The following ZNF333 variants were observed in gnomAD, a reference collection of about 807,000 sequenced individuals.
The protein encoded by ZNF333 is zinc finger protein 333.
In ZNF333, 61 loss-of-function variants were observed where a neutral mutation model predicts 76.1. The observed-to-expected ratio is 0.80, with a 90% CI of 0.65 to 0.99. The LOEUF (loss-of-function observed/expected upper bound fraction) is 0.99, where lower values mean the gene tolerates loss of function less well. ZNF333 is among the 50% of genes least tolerant of loss of function. The probability of loss-of-function intolerance (pLI) is 0.00; values close to 1 mark genes in which losing one functional copy is unlikely to be tolerated. For missense variants in ZNF333, 717 were observed against 822.4 expected (o/e 0.87, Z 1.57); for synonymous variants, 284 against 305.0 (o/e 0.93, Z 0.72).
At chr19:14,726,469 C>T (rs1197735099), downstream of ZNF333, among the ~76,000 whole-genome samples, 6 of 152,326 alleles carry the variant, frequency 3.9e-5, no homozygotes, top group South Asian at 1.0e-3. Flanking sequence ...CTCTTTCCTT[C>T]TTTACCGCAT....
chr19:14,691,563 T>G (rs1029675560), intron 1 of ZNF333, among the ~76,000 whole-genome samples: 1 of 152,138 alleles, frequency 6.6e-6, no homozygotes, highest in African/African-American at 2.4e-5. Context: ...CTTGCCTTTT[T>G]AAAAAGAATT....
At chr19:14,695,693 C>G (rs776992367) in intron 4 of ZNF333, 32 bp downstream of exon 4, 2 of 1,597,574 alleles carry the variant, frequency 1.3e-6, no homozygotes, top group Non-Finnish European at 1.7e-6. Context: ...GATCCCCCGA[C>G]CCCCCTGGTT....
intron 2 of ZNF333, among the ~76,000 whole-genome samples, chr19:14,694,454 CAG>C (rs1973017019): frequency 6.9e-6 from 1 of 144,706 alleles, no homozygotes; most frequent in Non-Finnish European, 1.5e-5. Flanking sequence ...GCCTGGACGA[CAG>C]AGCAAGACTG....
chr19:14,695,758 G>C, intron 4 of ZNF333, 97 bp downstream of exon 4: 2 of 1,053,676 alleles, frequency 1.9e-6, no homozygotes, highest in Non-Finnish European at 2.9e-6. Context: ...TTTGTTCTGA[G>C]GGGACATCGA....
chr19:14,690,494 C>G (rs2146938531), intron 1 of ZNF333, among the ~76,000 whole-genome samples: 1 of 152,358 alleles, frequency 6.6e-6, no homozygotes, highest in South Asian at 2.1e-4. Flanking sequence ...ACGGCCCTAC[C>G]TTGCCTACAG....
intron 5 of ZNF333, chr19:14,701,533 A>G (rs925299602): frequency 2.1e-6 from 2 of 973,614 alleles, no homozygotes; most frequent in Non-Finnish European, 2.4e-6. Context: ...GGTGTTGCAG[A>G]AGGCATCTCC....
chr19:14,718,779 G>T lies in ZNF333; in HGVS notation c.1452G>T (p.Gly484=), dbSNP rs1473052175. The change falls in exon 12 of 12, where the codon GGG becomes GGT. Residue 484 remains glycine (G), a synonymous_variant. Transcript: ENST00000292530. ...AGCCCTTTGAATGCAGCCAGTGTGGGAAAGCCTTCAGGGAACACTCTTCAC... is the reference window on the plus strand; with the variant it reads ...AGCCCTTTGAATGCAGCCAGTGTGGTAAAGCCTTCAGGGAACACTCTTCAC... ...GEKPFECSQC[G]KAFREHSSLK... 2.5e-6 allele frequency: 4 copies of T among 1,613,936 alleles called. No homozygotes were observed. In the African/African-American group the frequency reaches 5.3e-5, roughly 22 times the overall value.
In ZNF333 at chr19:14,731,322, T is replaced by C. The variant is rs2042669502; in HGVS notation, c.*136T>C. 9 of 868,840 alleles carry C rather than the reference T, an allele frequency of 1.0e-5. No individual in the cohort carries two copies. In the South Asian group the frequency reaches 1.1e-4, roughly 11 times the overall value. 53.8% of individuals were successfully genotyped at this position (868,840 alleles called of 1,614,324 possible). ...TTCTGAAGCTTGCAGGTCAGTGGCC[T>C]TGGACTTTCAAACTTCCAGTTCCGT... On this transcript the variant is annotated 3_prime_UTR_variant, in exon 12 of 12. Coordinates refer to the ZNF333 transcript ENST00000540689.
At chr19:14,706,931 G>A in intron 7 of ZNF333, 158 bp downstream of exon 7, 1 of 578,482 alleles carries the variant, frequency 1.7e-6, no homozygotes, top group South Asian at 2.6e-5. Flanking sequence ...TTATTTGTGT[G>A]TTTAAGTGGG....
chr19:14,727,582 A>G (rs2042641938), intron 11 of ZNF333, among the ~76,000 whole-genome samples: 3 of 152,198 alleles, frequency 2.0e-5, no homozygotes, highest in Non-Finnish European at 2.9e-5. Flanking sequence ...TAAACCATTC[A>G]TGAGCGATTT....
rs2042525524 is a variant in ZNF333 at position 14,719,014 on chromosome 19, G to A, written c.1687G>A (p.Val563Met). Reference sequence around the variant, plus strand: ...AACTCACACTGGAGAGAAGCCCTATGTGTGCCAGGAATGTGGGCGAGCCTT... The same window carrying A: ...AACTCACACTGGAGAGAAGCCCTATATGTGCCAGGAATGTGGGCGAGCCTT... ...MRTHTGEKPY[V>M]CQECGRAFSE... is the part of the protein sequence containing the mutation. Residue 563 changes from valine (V) to methionine (M), a missense_variant, in exon 12 of 12, where the codon GTG becomes ATG. Transcript: ENST00000292530. 5.6e-6 allele frequency: 9 copies of A among 1,614,240 alleles called. No individual in the cohort carries two copies. The highest frequency in any genetic ancestry group is 7.6e-6 in the Non-Finnish European group (9 of 1,180,036).
intron 11 of ZNF333, among the ~76,000 whole-genome samples, 184 bp from the exon 12 acceptor site, chr19:14,718,044 C>G (rs2042486949): frequency 6.6e-6 from 1 of 152,150 alleles, no homozygotes; most frequent in African/African-American, 2.4e-5. Context: ...GAAAAGATAG[C>G]TCTTTGCAAC....
chr19:14,723,519 T>C (rs1296846052), downstream of ZNF333, among the ~76,000 whole-genome samples: 1 of 152,246 alleles, frequency 6.6e-6, no homozygotes, highest in East Asian at 1.9e-4. Context: ...TCTTTTAAGT[T>C]CTTTCAGCAA....
At chr19:14,729,236 T>G (rs926669526) in intron 11 of ZNF333, among the ~76,000 whole-genome samples, 1 of 152,124 alleles carries the variant, frequency 6.6e-6, no homozygotes, top group Non-Finnish European at 1.5e-5. Flanking sequence ...ACTGTGACCT[T>G]ATTGGCCAGA....
At chr19:14,725,029 C>T (rs1043392173), downstream of ZNF333, among the ~76,000 whole-genome samples, 54 of 152,330 alleles carry the variant, frequency 3.5e-4, no homozygotes, top group Middle Eastern at 3.4e-3. Context: ...AACGGGCTCA[C>T]GGTTCTGCAG....
intron 5 of ZNF333, among the ~76,000 whole-genome samples, 157 bp from the exon 6 acceptor site, chr19:14,704,897 C>T (rs2042063989): frequency 6.6e-6 from 1 of 152,226 alleles, no homozygotes; most frequent in African/African-American, 2.4e-5. Flanking sequence ...TTCACCTCAG[C>T]CTCCCAAAGT....
Position 14,719,073 on chromosome 19 carries a change from G to A in ZNF333, c.1746G>A (p.Arg582=), listed in dbSNP as rs1437480797. The change falls in exon 12 of 12, where the codon AGG becomes AGA. Residue 582 remains arginine (R), a synonymous_variant. Transcript: ENST00000292530. ...SEPSSLRKHA[R]THSGKKPYAC... is the part of the protein sequence containing the mutation. ...CCTCATCCCTCAGGAAACATGCAAGGACTCACAGTGGCAAGAAGCCCTATG... is the reference window on the plus strand; with the variant it reads ...CCTCATCCCTCAGGAAACATGCAAGAACTCACAGTGGCAAGAAGCCCTATG... The A allele has an allele frequency of 2.5e-6, 4 of 1,613,620 alleles. No homozygotes were observed. Among genetic ancestry groups the A allele is most frequent in the Middle Eastern group, 1.6e-4 (1 of 6,084 alleles).
intron 5 of ZNF333, among the ~76,000 whole-genome samples, chr19:14,702,742 C>G (rs1276480059): frequency 6.6e-6 from 1 of 152,148 alleles, no homozygotes; most frequent in Non-Finnish European, 1.5e-5. Flanking sequence ...AAAGAGATAC[C>G]CGAGTTGGGT....
chr19:14,701,956 G>A (rs1568532463), intron 5 of ZNF333: 1 of 964,176 alleles, frequency 1.0e-6, no homozygotes, highest in Non-Finnish European at 1.2e-6. Flanking sequence ...AGTCTCAGCT[G>A]TCAGGTTCTA....
Sources: allele counts gnomAD v4.1 joint callset (sites outside exome capture counted in the v4.1 genomes callset), GRCh38; gene constraint gnomAD v4.1.1; transcripts MANE v1.5; gene names NCBI Gene and HGNC (gene_info 2026-07-23, HGNC 2026-07-21).